Variants in NUMA1 observed in about 807,000 individuals in gnomAD.
NUMA1 encodes nuclear mitotic apparatus protein 1.
Under a neutral mutation model 237.1 loss-of-function variants are expected in NUMA1, and 62 were observed. The observed-to-expected ratio is 0.26, with a 90% confidence interval of 0.21 to 0.32. The LOEUF (loss-of-function observed/expected upper bound fraction) is 0.32. Among genes scored for constraint, NUMA1 ranks in the 10% least tolerant of loss-of-function variants. NUMA1 has a pLI of 1.00. For missense variants in NUMA1, 2,533 were observed against 2,666.5 expected (o/e 0.95, Z 1.10); for synonymous variants, 1,028 against 1,066.1 (o/e 0.96, Z 0.70).
At chr11:72,048,486 C>T (rs1023143124) in intron 2 of NUMA1, among the ~76,000 whole-genome samples, 2 of 152,160 alleles carry the variant, frequency 1.3e-5, no homozygotes, top group African/African-American at 4.8e-5. Context: ...ATTCTCCTGC[C>T]TCAGCCTCCC....
At chr11:72,044,901 C>T (rs1021542045) in intron 2 of NUMA1, among the ~76,000 whole-genome samples, 10 of 152,024 alleles carry the variant, frequency 6.6e-5, no homozygotes, top group Non-Finnish European at 4.4e-5. Context: ...CTCCTGACCT[C>T]GTGATCCGCC....
chr11:72,037,379 G>A (rs968491010), intron 2 of NUMA1, among the ~76,000 whole-genome samples: 4 of 152,122 alleles, frequency 2.6e-5, no homozygotes, highest in Non-Finnish European at 4.4e-5. Context: ...GGTGGCGGGC[G>A]CCTGTAGTCC....
intron 2 of NUMA1, among the ~76,000 whole-genome samples, chr11:72,053,402 T>C (rs531522093): frequency 9.2e-5 from 14 of 152,356 alleles, no homozygotes; most frequent in African/African-American, 2.6e-4. Context: ...ATCAGCACAA[T>C]GGCTGGCACA....
rs775662158 is a variant in NUMA1, at chr11:72,017,704, C to T, written c.1102G>A (p.Ala368Thr). 8.1e-6 allele frequency: 13 copies of T among 1,613,100 alleles called. No homozygotes were observed. Among genetic ancestry groups the T allele is most frequent in the African/African-American group, 1.3e-5 (1 of 74,912 alleles). ...KQAQLEKELS[A>T]ALQDKKCLEE... ...AGGGTTACCTTGTCCTGCAGGGCTGCGCTGAGCTCCTTCTCCAGCTGGGCC... is the reference window on the plus strand; with the variant it reads ...AGGGTTACCTTGTCCTGCAGGGCTGTGCTGAGCTCCTTCTCCAGCTGGGCC... Residue 368 changes from alanine to threonine, a missense_variant, in exon 13 of 27, where the codon GCA (alanine) becomes ACA (threonine). Transcript: ENST00000393695.
At chr11:72,030,693 G>A (rs924259540) in intron 3 of NUMA1, among the ~76,000 whole-genome samples, 5 of 152,212 alleles carry the variant, frequency 3.3e-5, no homozygotes, top group African/African-American at 1.2e-4. Flanking sequence ...TCAACACTAA[G>A]AGGGGAGAGA....
At position 72,006,239 on chromosome 11, in the gene NUMA1, T is replaced by C. The variant is rs1271542400; in HGVS notation, c.5488A>G (p.Ser1830Gly). The C allele has an allele frequency of 1.9e-6, 3 of 1,614,064 alleles. No homozygotes were observed. Among genetic ancestry groups the C allele is most frequent in the African/African-American group, 2.7e-5 (2 of 74,954 alleles). The change falls in exon 22 of 27, where the codon AGC (serine) becomes GGC (glycine). Residue 1830 changes from serine (S) to glycine (G), a missense_variant. This residue lies in a region of NUMA1 where 795 missense variants were observed against 750.8 expected (regional missense o/e 1.06). Transcript: ENST00000393695. ...GTGCTGTAGAACGATGAGTTGGCGC[T>C]GTCTGGCTCTTCCACATCTAGCTTC... is the stretch of plus-strand genomic sequence containing the variant. ...TKKLDVEEPD[S>G]ANSSFYSTRS...
chr11:72,009,068 C>T lies in NUMA1; in HGVS notation c.4957G>A (p.Glu1653Lys). The T allele has an allele frequency of 6.2e-7, 1 of 1,613,726 alleles. No individual in the cohort carries two copies. The highest frequency in any genetic ancestry group is 8.5e-7 in the Non-Finnish European group (1 of 1,180,022). The stretch of plus-strand genomic sequence containing the variant: ...TGCTGTAGCTCATGGCCCAGCCGTT[C>T]AGCTTCAGCTCGCAGCTCTTTGTTT... ...KENKELRAEA[E>K]RLGHELQQAG... is the part of the protein sequence containing the mutation. Residue 1653 changes from glutamate (E) to lysine (K), a missense_variant, in exon 19 of 27, where the codon GAA (glutamate) becomes AAA (lysine). This residue lies in a region of NUMA1 where 795 missense variants were observed against 750.8 expected (regional missense o/e 1.06). Coordinates refer to ENST00000393695, the MANE Select transcript of NUMA1 (RefSeq NM_006185.4).
At chr11:72,011,341 T>C (rs941334821) in intron 16 of NUMA1, among the ~76,000 whole-genome samples, 5 of 152,226 alleles carry the variant, frequency 3.3e-5, no homozygotes, top group African/African-American at 1.2e-4. Flanking sequence ...CCGTTAGGGC[T>C]GGTGCTAGCA....
intron 2 of NUMA1, among the ~76,000 whole-genome samples, chr11:72,063,059 G>A (rs559589061): frequency 1.5e-4 from 23 of 151,826 alleles, no homozygotes; most frequent in Non-Finnish European, 2.5e-4. Flanking sequence ...CAACAAGAGC[G>A]AAACTCCATC....
chr11:72,037,512 AAAT>A (rs1206403560), intron 2 of NUMA1, among the ~76,000 whole-genome samples: 1 of 152,230 alleles, frequency 6.6e-6, no homozygotes, highest in Non-Finnish European at 1.5e-5. Context: ...TCTCAAAAAA[AAAT>A]AATAAAAAAA....
intron 2 of NUMA1, among the ~76,000 whole-genome samples, chr11:72,052,568 C>T (rs984815566): frequency 1.3e-5 from 2 of 152,068 alleles, no homozygotes; most frequent in Admixed American, 1.3e-4. Flanking sequence ...GAGATTGAGA[C>T]CATCCTGGCC....
At position 72,014,636 on chromosome 11, in the gene NUMA1, T is replaced by A; in HGVS notation, c.2867A>T (p.Gln956Leu). Residue 956 changes from glutamine (Q) to leucine (L), a missense_variant, in exon 15 of 27, where the codon CAG (glutamine) becomes CTG (leucine). By Grantham distance (113) the Gln-to-Leu change is moderately radical. Around this residue, in one of 3 missense-constraint regions of NUMA1, gnomAD observed 1,414 missense variants for 1,508.1 expected, o/e 0.94. Transcript: ENST00000393695. The surrounding 1 kb of genome is among the most constrained non-coding windows in gnomAD (Gnocchi z 4.6). Reference sequence around the variant, plus strand: ...CTGTGTGCTGCAGAACTGGCGTCCCTGTTGCTCTTCCAGCCACTCGGGCTG... The same window carrying A: ...CTGTGTGCTGCAGAACTGGCGTCCCAGTTGCTCTTCCAGCCACTCGGGCTG... ...DRQPEWLEEQQGRQFCSTQAA... is the reference protein window; with the variant it reads ...DRQPEWLEEQLGRQFCSTQAA... 2 of 1,611,062 alleles carry A rather than the reference T, an allele frequency of 1.2e-6. No homozygotes were observed. Among genetic ancestry groups the A allele is most frequent in the Non-Finnish European group, 1.7e-6 (2 of 1,180,016 alleles).
chr11:72,020,826 C>T (rs767488079), intron 8 of NUMA1: 11 of 159,372 alleles, frequency 6.9e-5, no homozygotes, highest in African/African-American at 2.2e-4. Flanking sequence ...GAGCTGAGAT[C>T]GCACCACTAC....
At chr11:72,052,988 A>G (rs1026492473) in intron 2 of NUMA1, among the ~76,000 whole-genome samples, 2 of 152,224 alleles carry the variant, frequency 1.3e-5, no homozygotes, top group African/African-American at 4.8e-5. Context: ...TAAGATTACA[A>G]GGTCTGAACT....
intron 1 of NUMA1, among the ~76,000 whole-genome samples, chr11:72,073,058 A>AAAAAAAAAAAG (rs1943536010): frequency 6.8e-6 from 1 of 147,232 alleles, no homozygotes; most frequent in African/African-American, 2.5e-5. Flanking sequence ...CAAAAAAAAA[A>AAAAAAAAAAAG]AAAAAAAAAA....
At chr11:72,059,198 T>C (rs952424752) in intron 2 of NUMA1, among the ~76,000 whole-genome samples, 2 of 152,226 alleles carry the variant, frequency 1.3e-5, no homozygotes, top group Non-Finnish European at 2.9e-5. Flanking sequence ...TACCATATAA[T>C]ATGTTCTGCA....
chr11:72,031,065 G>C (rs1940240032), intron 3 of NUMA1, among the ~76,000 whole-genome samples: 1 of 151,996 alleles, frequency 6.6e-6, no homozygotes, highest in East Asian at 1.9e-4. Flanking sequence ...TGAGGTAGGG[G>C]GACTGCTTGA....
At position 72,008,949 on chromosome 11, in the gene NUMA1, T is replaced by C. The variant is rs199871561; in HGVS notation, c.5058+18A>G. 1.3e-6 allele frequency: 2 copies of C among 1,597,896 alleles called. No individual in the cohort carries two copies. The highest frequency in any genetic ancestry group is 3.1e-5 in the African/African-American group (2 of 64,354). ...CAGTGGAATAGGAGTGAGGTGAGTCTGCCAGCCAAATTCTTACCTGTGCCT... is the reference window on the plus strand; with the variant it reads ...CAGTGGAATAGGAGTGAGGTGAGTCCGCCAGCCAAATTCTTACCTGTGCCT... On this transcript the variant is annotated intron_variant, in intron 19 of 26. Transcript: ENST00000393695.
Position 72,014,508 on chromosome 11 carries a change from G to T in NUMA1, c.2995C>A (p.Arg999Ser), listed in dbSNP as rs1013123129. 1.9e-6 allele frequency: 3 copies of T among 1,601,692 alleles called. No individual in the cohort carries two copies. Among genetic ancestry groups the T allele is most frequent in the Non-Finnish European group, 2.5e-6 (3 of 1,179,844 alleles). ...MESQGQQQEERGQQEREVARL... is the reference protein window; with the variant it reads ...MESQGQQQEESGQQEREVARL... ...GCCACCTCCCTTTCCTGCTGCCCAC[G>T]CTCCTCCTGCTGCTGCCCCTGGCTC... is the stretch of plus-strand genomic sequence containing the variant. The change falls in exon 15 of 27, where the codon CGT becomes AGT. Residue 999 changes from arginine (R) to serine (S), a missense_variant. This residue lies in a region of NUMA1 where 1,414 missense variants were observed against 1,508.1 expected (regional missense o/e 0.94). Transcript: ENST00000393695. The surrounding 1 kb of genome is among the most constrained non-coding windows in gnomAD (Gnocchi z 4.6).
Sources: allele counts gnomAD v4.1 joint callset (sites outside exome capture counted in the v4.1 genomes callset), GRCh38; gene constraint gnomAD v4.1.1; regional missense constraint gnomAD v4.1.1; non-coding constraint Gnocchi (gnomAD v3.1); transcripts MANE v1.5; gene names NCBI Gene and HGNC (gene_info 2026-07-23, HGNC 2026-07-21).